Variants in KCNJ3 observed in about 807,000 individuals in gnomAD.
KCNJ3 encodes G protein-activated inward rectifier potassium channel 1.
A neutral mutation model predicts 39.2 loss-of-function variants in KCNJ3; 4 were observed. The observed-to-expected ratio is 0.10, with a 90% confidence interval of 0.05 to 0.23. The LOEUF (loss-of-function observed/expected upper bound fraction) is 0.23. Among genes scored for constraint, KCNJ3 ranks in the 10% least tolerant of loss-of-function variants. KCNJ3 has a pLI of 1.00. For missense variants in KCNJ3, 276 were observed against 634.9 expected, an observed-to-expected ratio of 0.43 and a Z score of 6.08; for synonymous variants, 230 against 237.4, an observed-to-expected ratio of 0.97 and a Z score of 0.29.
intron 2 of KCNJ3, among the ~76,000 whole-genome samples, chr2:154,730,752 T>C (rs892335801): frequency 1.3e-5 from 2 of 152,092 alleles, no homozygotes; most frequent in Non-Finnish European, 2.9e-5. Context: ...TGAGAAGCTC[T>C]TTTCTCTCCA....
At chr2:154,811,138 G>A (rs1687001960) in intron 2 of KCNJ3, among the ~76,000 whole-genome samples, 1 of 152,122 alleles carries the variant, frequency 6.6e-6, no homozygotes, top group South Asian at 2.1e-4. Flanking sequence ...AAATCAGGAT[G>A]TACACATCCA....
Position 154,779,455 on chromosome 2 carries a change from A to T in KCNJ3, c.919+69636A>T, listed in dbSNP as rs1194938613. On this transcript the variant is annotated intron_variant, in intron 2 of 2. Transcript: ENST00000295101. The stretch of plus-strand genomic sequence containing the variant: ...ACATATATATATGTATATATATTTT[A>T]TATATATATGTTGTATATATTATAT... 3.5e-5 allele frequency among the ~76,000 whole-genome samples: 5 copies of T among 142,422 alleles called. No homozygotes were observed. The East Asian group carries it at 8.0e-4, about 23-fold the overall frequency. The allele number at this position is 142,422 out of a possible 152,430, so 93.4% of individuals were successfully genotyped here. A position where few individuals can be genotyped will look rare whatever the true frequency, so the allele number is the denominator to read the frequency against.
At chr2:154,706,251 T>A (rs1483253882) in intron 1 of KCNJ3, among the ~76,000 whole-genome samples, 1 of 152,124 alleles carries the variant, frequency 6.6e-6, no homozygotes, top group Non-Finnish European at 1.5e-5. Context: ...TTCTCGGGAA[T>A]TAGAAAGTTT....
intron 2 of KCNJ3, among the ~76,000 whole-genome samples, chr2:154,827,875 C>T (rs1402731003): frequency 1.3e-5 from 2 of 152,006 alleles, no homozygotes; most frequent in Non-Finnish European, 2.9e-5. Context: ...CAATTTTGTT[C>T]TTCAATGTAA....
At chr2:154,775,251 A>G (rs1239822650) in intron 2 of KCNJ3, among the ~76,000 whole-genome samples, 2 of 152,178 alleles carry the variant, frequency 1.3e-5, no homozygotes, top group African/African-American at 2.4e-5. Context: ...GTAAGACAAA[A>G]GAATTGCCTT....
At chr2:154,752,266 A>T (rs1261669735) in intron 2 of KCNJ3, among the ~76,000 whole-genome samples, 3 of 151,730 alleles carry the variant, frequency 2.0e-5, no homozygotes, top group African/African-American at 7.3e-5. Flanking sequence ...AACAAAAAAA[A>T]TAGTAGTTTT....
At chr2:154,760,999 A>C (rs1250988917) in intron 2 of KCNJ3, among the ~76,000 whole-genome samples, 1 of 150,160 alleles carries the variant, frequency 6.7e-6, no homozygotes, top group Admixed American at 6.6e-5. Flanking sequence ...GGCCTCCCAA[A>C]GTGCTGGGAT....
chr2:154,780,223 T>C (rs1408465481), intron 2 of KCNJ3, among the ~76,000 whole-genome samples: 1 of 152,158 alleles, frequency 6.6e-6, no homozygotes, highest in Non-Finnish European at 1.5e-5. Context: ...ACATTCTGGT[T>C]ATAATAAGTG....
chr2:154,736,193 A>G (rs1685525871), intron 2 of KCNJ3, among the ~76,000 whole-genome samples: 1 of 151,862 alleles, frequency 6.6e-6, no homozygotes, highest in African/African-American at 2.4e-5. Flanking sequence ...TTTGTCATAC[A>G]TTGATTGGTA....
intron 2 of KCNJ3, among the ~76,000 whole-genome samples, chr2:154,824,407 ATATT>A (rs1687235171): frequency 6.6e-6 from 1 of 152,180 alleles, no homozygotes; most frequent in South Asian, 2.1e-4. Context: ...ATTTTTATTA[ATATT>A]TATTCTTGAT....
intron 2 of KCNJ3, among the ~76,000 whole-genome samples, chr2:154,797,135 A>G (rs1686733783): frequency 6.6e-6 from 1 of 152,166 alleles, no homozygotes; most frequent in Non-Finnish European, 1.5e-5. Flanking sequence ...GACACAATGC[A>G]CCATCTAATG....
chr2:154,783,636 C>T (rs1336001546), intron 2 of KCNJ3, among the ~76,000 whole-genome samples: 2 of 152,126 alleles, frequency 1.3e-5, no homozygotes, highest in Admixed American at 6.5e-5. Context: ...CAAGCATTCC[C>T]ATTTTATGGA....
chr2:154,738,549 A>G (rs551674914), intron 2 of KCNJ3, among the ~76,000 whole-genome samples: 1 of 152,198 alleles, frequency 6.6e-6, no homozygotes, highest in Admixed American at 6.5e-5. Context: ...TACACCTACT[A>G]TGTAGCCACA....
intron 2 of KCNJ3, among the ~76,000 whole-genome samples, chr2:154,833,683 T>TTCTA (rs956718355): frequency 5.9e-5 from 9 of 152,226 alleles, no homozygotes; most frequent in African/African-American, 9.6e-5. Context: ...ATCTCTGGTA[T>TTCTA]TCTATCTATT....
At chr2:154,716,300 T>G (rs1685179569) in intron 2 of KCNJ3, among the ~76,000 whole-genome samples, 1 of 119,320 alleles carries the variant, frequency 8.4e-6, no homozygotes, top group Non-Finnish European at 1.9e-5. Context: ...TTTTTTTTTG[T>G]ATTTTTAGTA....
At position 154,783,155 on chromosome 2, in the gene KCNJ3, C is replaced by T. The variant is rs149969671; in HGVS notation, c.920-71572C>T. Reference sequence around the variant, plus strand: ...ATTGCCCACTGCACTCCAGCCTGGGCGACAAAAGTGAAACTCCATCTCAAA... The same window carrying T: ...ATTGCCCACTGCACTCCAGCCTGGGTGACAAAAGTGAAACTCCATCTCAAA... On this transcript the variant is annotated intron_variant, in intron 2 of 2. Coordinates refer to ENST00000295101, the MANE Select transcript of KCNJ3 (RefSeq NM_002239.4). 3.9e-4 allele frequency among the ~76,000 whole-genome samples: 59 copies of T among 151,528 alleles called. No individual in the cohort carries two copies. The East Asian group carries it at 6.5e-3, about 17-fold the overall frequency.
At position 154,748,875 on chromosome 2, in the gene KCNJ3, C is replaced by CA. The variant is rs1318934554; in HGVS notation, c.919+39057dup. On this transcript the variant is annotated intron_variant, in intron 2 of 2. Coordinates refer to ENST00000295101, the MANE Select transcript of KCNJ3 (RefSeq NM_002239.4). ...TGTACTACTGATACGGACATATTAACAGTTATCTGTCAGTTACATGACTTT... is the reference window on the plus strand; with the variant it reads ...TGTACTACTGATACGGACATATTAACAAGTTATCTGTCAGTTACATGACTTT... Among the ~76,000 whole-genome samples, 8 of 152,190 alleles carry CA rather than the reference C, an allele frequency of 5.3e-5. No homozygotes were observed. In the East Asian group the frequency reaches 1.5e-3, roughly 29 times the overall value.
chr2:154,716,072 A>G (rs1685174248), intron 2 of KCNJ3, among the ~76,000 whole-genome samples: 2 of 151,860 alleles, frequency 1.3e-5, no homozygotes, highest in Admixed American at 1.3e-4. Flanking sequence ...AATAATGGAC[A>G]TAATTATTTT....
At chr2:154,850,227 C>T (rs1249712940) in intron 2 of KCNJ3, among the ~76,000 whole-genome samples, 1 of 151,372 alleles carries the variant, frequency 6.6e-6, no homozygotes, top group Admixed American at 6.6e-5. Context: ...TCTCATAGTA[C>T]CCTTTGAATA....
Sources: allele counts gnomAD v4.1 joint callset (sites outside exome capture counted in the v4.1 genomes callset), GRCh38; gene constraint gnomAD v4.1.1; transcripts MANE v1.5; gene names NCBI Gene and HGNC (gene_info 2026-07-23, HGNC 2026-07-21).